Variants in ADAMTS17 observed in about 807,000 individuals in gnomAD.
ADAMTS17 encodes A disintegrin and metalloproteinase with thrombospondin motifs 17.
A neutral mutation model predicts 141.5 loss-of-function variants in ADAMTS17; 113 were observed. The ratio of observed to expected loss-of-function variants is 0.80; its 90% CI spans 0.69 to 0.93. The LOEUF is 0.93. ADAMTS17 is among the 40% of genes least tolerant of loss of function. ADAMTS17 has a pLI of 0.00. For synonymous variants in ADAMTS17, 768 were observed against 630.6 expected, an observed-to-expected ratio of 1.22 and a Z score of -3.27; for missense variants, 1,659 against 1,517.9, an observed-to-expected ratio of 1.09 and a Z score of -1.54.
At chr15:99,991,735 C>T (rs372331317) in intron 20 of ADAMTS17, among the ~76,000 whole-genome samples, 9 of 152,228 alleles carry the variant, frequency 5.9e-5, no homozygotes, top group South Asian at 4.2e-4. Flanking sequence ...ACGTTTACTG[C>T]GGCACTGTTG....
intron 3 of ADAMTS17, among the ~76,000 whole-genome samples, chr15:100,292,384 CCG>C (rs1215997602): frequency 6.6e-6 from 1 of 151,328 alleles, no homozygotes; most frequent in African/African-American, 2.4e-5. Context: ...GATGCTCACC[CCG>C]TGTGAAATTA....
At chr15:100,195,985 T>C (rs1035270842) in intron 8 of ADAMTS17, among the ~76,000 whole-genome samples, 10 of 152,228 alleles carry the variant, frequency 6.6e-5, no homozygotes, top group African/African-American at 2.4e-4. Context: ...GCCTACCTCA[T>C]AGGACTGACT....
intron 3 of ADAMTS17, among the ~76,000 whole-genome samples, chr15:100,286,284 G>A (rs910426511): frequency 4.6e-5 from 7 of 152,130 alleles, no homozygotes; most frequent in African/African-American, 1.4e-4. Context: ...CCATCCCACC[G>A]CCCTACGCAC....
At chr15:100,239,914 G>C (rs1313191781) in intron 7 of ADAMTS17, among the ~76,000 whole-genome samples, 1 of 152,174 alleles carries the variant, frequency 6.6e-6, no homozygotes, top group East Asian at 1.9e-4. Context: ...TCCACCCTCA[G>C]CCAGTGAAGG....
At chr15:100,278,833 C>T (rs1357219330) in intron 4 of ADAMTS17, among the ~76,000 whole-genome samples, 2 of 152,192 alleles carry the variant, frequency 1.3e-5, no homozygotes, top group African/African-American at 4.8e-5. Context: ...GAAAGAAAGG[C>T]TTGACATGGT....
chr15:100,179,259 T>A (rs1045089527), intron 8 of ADAMTS17, among the ~76,000 whole-genome samples: 1 of 152,220 alleles, frequency 6.6e-6, no homozygotes, highest in East Asian at 1.9e-4. Context: ...GTAACCATCA[T>A]TCTACTCTCT....
At chr15:100,253,857 C>G (rs141166785) in intron 7 of ADAMTS17, among the ~76,000 whole-genome samples, 12 of 152,248 alleles carry the variant, frequency 7.9e-5, no homozygotes, top group South Asian at 4.2e-4. Flanking sequence ...AATGCACCCC[C>G]AACTGCAGAC....
rs1001015892 is a variant in ADAMTS17 at position 99,993,345 on chromosome 15, G to C, written c.2797-145C>G. The C allele has an allele frequency of 3.2e-6, 4 of 1,233,480 alleles. No homozygotes were observed. Among genetic ancestry groups the C allele is most frequent in the African/African-American group, 3.0e-5 (2 of 67,756 alleles). The allele number at this position is 1,233,480 out of a possible 1,614,324, so 76.4% of individuals were successfully genotyped here. On this transcript the variant is annotated intron_variant, in intron 19 of 21. Coordinates refer to ENST00000268070, the MANE Select transcript of ADAMTS17 (RefSeq NM_139057.4). The surrounding 1 kb of genome is among the most constrained non-coding windows in gnomAD (Gnocchi z 4.3). ...CACTTCTGTCCTCAAAAAGCTCCTG[G>C]TCTGCAGGGTCTTACGCACGTGGTC...
rs376887716 is a variant in ADAMTS17, at chr15:100,285,527, C to A, written c.617-4126G>T. On this transcript the variant is annotated intron_variant, in intron 3 of 21. Transcript: ENST00000268070. ...TTGGCATGAAAATTCAAAACCACAA[C>A]CCCTCTCAGAATTCCTTTACTTTCT... Among the ~76,000 whole-genome samples, 48 of 152,320 alleles carry A rather than the reference C, an allele frequency of 3.2e-4. No homozygotes were observed. In the East Asian group the frequency reaches 6.0e-3, roughly 19 times the overall value.
chr15:99,984,544 T>A (rs1025277811), intron 20 of ADAMTS17, among the ~76,000 whole-genome samples: 4 of 152,058 alleles, frequency 2.6e-5, no homozygotes, highest in African/African-American at 4.8e-5. Flanking sequence ...ATTGTGAAAA[T>A]AACGATGATC....
chr15:100,193,032 C>A (rs951212803), intron 8 of ADAMTS17, among the ~76,000 whole-genome samples: 1 of 152,232 alleles, frequency 6.6e-6, no homozygotes, highest in African/African-American at 2.4e-5. Flanking sequence ...CACCTTGGCA[C>A]AGCATCACAT....
chr15:100,063,707 C>T lies in ADAMTS17; in HGVS notation c.2138-9653G>A, dbSNP rs1398171674. 5 of 1,289,878 alleles carry T rather than the reference C, an allele frequency of 3.9e-6. No homozygotes were observed. The African/African-American group carries it at 7.6e-5, about 20-fold the overall frequency. 79.9% of individuals were successfully genotyped at this position (1,289,878 alleles called of 1,614,324 possible). On this transcript the variant is annotated intron_variant, in intron 15 of 21. Coordinates refer to ENST00000268070, the MANE Select transcript of ADAMTS17 (RefSeq NM_139057.4). ...GAAAGCTGTGGGCAGGTTTATCCTC[C>T]ACCACACGGATCCTCCGAGCTCCAG...
intron 7 of ADAMTS17, among the ~76,000 whole-genome samples, chr15:100,251,257 G>C (rs1453359013): frequency 6.6e-6 from 1 of 152,168 alleles, no homozygotes. Flanking sequence ...TTCTTGTTAA[G>C]GAAGTGAGAC....
At position 100,341,074 on chromosome 15, in the gene ADAMTS17, C is replaced by G; in HGVS notation, c.415G>C (p.Val139Leu). 1 of 1,522,192 alleles carries G rather than the reference C, an allele frequency of 6.6e-7. No homozygotes were observed. Among genetic ancestry groups the G allele is most frequent in the Non-Finnish European group, 8.8e-7 (1 of 1,140,162 alleles). The allele number at this position is 1,522,192 out of a possible 1,614,324, so 94.3% of individuals were successfully genotyped here. Residue 139 changes from valine to leucine, a missense_variant, in exon 2 of 22, where the codon GTC (valine) becomes CTC (leucine). Physicochemically the swap from Val to Leu is conservative, Grantham distance 32 (BLOSUM62 1). Coordinates refer to ENST00000268070, the MANE Select transcript of ADAMTS17 (RefSeq NM_139057.4). ...GCGGCGCCGCAGGCGCTGAGCGAGA[C>G]GAGGGAGCCGGGGTGGCCGAGCACA... Reference protein sequence around the residue: ...GRVLGHPGSLVSLSACGAAGG... With the variant: ...GRVLGHPGSLLSLSACGAAGG...
At position 100,022,728 on chromosome 15, in the gene ADAMTS17, C is replaced by G. The variant is rs114414527; in HGVS notation, c.2592-25139G>C. Reference sequence around the variant, plus strand: ...GATAATTCATGTTCTGAGTAAATTACAGAGAGTCTTGGCATGGGAGGAATA... The same window carrying G: ...GATAATTCATGTTCTGAGTAAATTAGAGAGAGTCTTGGCATGGGAGGAATA... On this transcript the variant is annotated intron_variant, in intron 18 of 21. Transcript: ENST00000268070. 5.2e-3 allele frequency among the ~76,000 whole-genome samples: 789 copies of G among 152,252 alleles called. 7 individuals are homozygous for G. Among genetic ancestry groups the G allele is most frequent in the African/African-American group, 0.016 (652 of 41,542 alleles).
chr15:100,193,393 T>G (rs184291769), intron 8 of ADAMTS17, among the ~76,000 whole-genome samples: 35 of 151,568 alleles, frequency 2.3e-4, no homozygotes, highest in African/African-American at 8.0e-4. Flanking sequence ...AGAGGTGAAG[T>G]GGGTGGGTTA....
chr15:100,064,913 G>C lies in ADAMTS17; in HGVS notation c.2138-10859C>G, dbSNP rs373474023. On this transcript the variant is annotated intron_variant, in intron 15 of 21. Coordinates refer to ENST00000268070, the MANE Select transcript of ADAMTS17 (RefSeq NM_139057.4). ...GCGTTTGTTTCTGCGATTCAGATGA[G>C]GATCTCAACTTAGATTACAAATCCT... 3.8e-3 allele frequency among the ~76,000 whole-genome samples: 579 copies of C among 152,242 alleles called. 4 individuals carry two copies. Among genetic ancestry groups the C allele is most frequent in the Middle Eastern group, 0.01 (3 of 294 alleles).
chr15:100,149,250 C>A lies in ADAMTS17; in HGVS notation c.1473+3362G>T, dbSNP rs369926153. 3.9e-5 allele frequency among the ~76,000 whole-genome samples: 6 copies of A among 152,220 alleles called. No individual in the cohort carries two copies. The East Asian group carries it at 5.8e-4, about 15-fold the overall frequency. On this transcript the variant is annotated intron_variant, in intron 10 of 21. Transcript: ENST00000268070. ...CATGTCCCAGGCCTAGGGCAGCATG[C>A]CCCAAATCCTTGGTTCTCAAAGGGT...
At chr15:100,090,815 G>C (rs2035411139) in intron 15 of ADAMTS17, among the ~76,000 whole-genome samples, 1 of 152,024 alleles carries the variant, frequency 6.6e-6, no homozygotes, top group African/African-American at 2.4e-5. Flanking sequence ...AGACTAGCCT[G>C]AACGACACGG....
Sources: gnomAD v4.1 joint callset for allele counts (sites outside exome capture counted in the v4.1 genomes callset) on GRCh38, gnomAD v4.1.1 for gene constraint, Gnocchi (gnomAD v3.1) non-coding constraint, MANE v1.5 for transcripts, NCBI Gene and HGNC (gene_info 2026-07-23, HGNC 2026-07-21) for gene names.